The following LINGO2 variants were observed in gnomAD, a reference collection of about 807,000 sequenced individuals.
LINGO2 encodes the protein leucine rich repeat and Ig domain containing 2.
LINGO2 carries 14 observed loss-of-function variants against 30.6 expected under a neutral mutation model. The observed-to-expected ratio is 0.46, with a 90% CI of 0.30 to 0.72. The LOEUF (loss-of-function observed/expected upper bound fraction) is 0.72. Ranked by LOEUF, LINGO2 falls within the 30% of genes least tolerant of loss-of-function variation. The probability of loss-of-function intolerance (pLI) is 0.07; values close to 1 mark genes in which losing one functional copy is unlikely to be tolerated. For missense variants in LINGO2, 729 were observed against 751.7 expected, an observed-to-expected ratio of 0.97 and a Z score of 0.35; for synonymous variants, 317 against 288.5, an observed-to-expected ratio of 1.10 and a Z score of -1.00.
chr9:28,116,283 G>T (rs374982940), intron 4 of LINGO2, among the ~76,000 whole-genome samples: 1 of 13,836 alleles, frequency 7.2e-5, no homozygotes, highest in East Asian at 1.5e-3. Flanking sequence ...CGAGAGATCC[G>T]CTGTTAGTCT....
chr9:28,197,875 T>A (rs949876363), intron 4 of LINGO2, among the ~76,000 whole-genome samples: 1 of 151,874 alleles, frequency 6.6e-6, no homozygotes, highest in East Asian at 1.9e-4. Flanking sequence ...AAAAAAAGAC[T>A]ATGAATCATC....
intron 3 of LINGO2, among the ~76,000 whole-genome samples, chr9:28,320,761 A>T (rs2134298030): frequency 6.6e-6 from 1 of 152,290 alleles, no homozygotes; most frequent in Non-Finnish European, 1.5e-5. Flanking sequence ...AGGACTCTCA[A>T]TCCAGACTGA....
At chr9:28,027,472 T>C (rs1823438920) in intron 4 of LINGO2, among the ~76,000 whole-genome samples, 1 of 152,180 alleles carries the variant, frequency 6.6e-6, no homozygotes, top group Non-Finnish European at 1.5e-5. Context: ...AAAAAATTAT[T>C]CAGCACCTTT....
chr9:28,346,236 T>A (rs995342484), intron 3 of LINGO2, among the ~76,000 whole-genome samples: 7 of 152,182 alleles, frequency 4.6e-5, no homozygotes, highest in Admixed American at 3.3e-4. Context: ...CACTGTCTGT[T>A]GTTCCTCTCC....
At chr9:28,591,597 T>G (rs1824914175) in intron 1 of LINGO2, among the ~76,000 whole-genome samples, 1 of 151,958 alleles carries the variant, frequency 6.6e-6, no homozygotes, top group African/African-American at 2.4e-5. Flanking sequence ...CAACTCTTCT[T>G]GTGTGGGAGG....
intron 3 of LINGO2, among the ~76,000 whole-genome samples, chr9:28,319,853 T>C (rs545291858): frequency 4.6e-5 from 7 of 152,220 alleles, no homozygotes; most frequent in Admixed American, 2.0e-4. Flanking sequence ...TAAATTTTTA[T>C]ATGTAAATTA....
chr9:28,732,877 GC>G, the LINGO2 span, among the ~76,000 whole-genome samples: 8 of 151,982 alleles, frequency 5.3e-5, no homozygotes, highest in African/African-American at 1.5e-4. Context: ...AGAAATCCTG[GC>G]CGGATGCAAG....
chr9:28,363,976 CAAA>C lies in LINGO2; in HGVS notation c.-246+8857_-246+8859del, dbSNP rs144751973. 2.8e-3 allele frequency among the ~76,000 whole-genome samples: 338 copies of C among 118,624 alleles called. 2 individuals carry two copies. Among genetic ancestry groups the C allele is most frequent in the South Asian group, 9.0e-3 (32 of 3,552 alleles). The allele number at this position is 118,624 out of a possible 152,430, so 77.8% of individuals were successfully genotyped here. ...TGTTGTAATTGCATTAATTAGGTTA[CAAA>C]AAAAAAAAAAAAGATGATGTATTTT... is the stretch of plus-strand genomic sequence containing the variant. On this transcript the variant is annotated intron_variant, in intron 3 of 5. Transcript: ENST00000379992.
chr9:28,421,206 C>G (rs1823180832), intron 2 of LINGO2, among the ~76,000 whole-genome samples: 1 of 151,386 alleles, frequency 6.6e-6, no homozygotes. Context: ...ATAATAGCAT[C>G]AAGAACAAGA....
At chr9:28,539,774 C>T (rs1188255947) in intron 1 of LINGO2, among the ~76,000 whole-genome samples, 2 of 152,160 alleles carry the variant, frequency 1.3e-5, no homozygotes, top group South Asian at 2.1e-4. Context: ...TCTTCAAATT[C>T]TGTTTTCAGT....
chr9:29,011,732 G>A, the LINGO2 span, among the ~76,000 whole-genome samples: 1 of 152,080 alleles, frequency 6.6e-6, no homozygotes, highest in South Asian at 2.1e-4. Flanking sequence ...TGGCTTTGTA[G>A]GCAAAGTAGC....
the LINGO2 span, among the ~76,000 whole-genome samples, chr9:29,063,752 T>C: frequency 6.6e-6 from 1 of 152,140 alleles, no homozygotes; most frequent in South Asian, 2.1e-4. Flanking sequence ...CTTTCTCCGT[T>C]ACAAGGTAAG....
At chr9:28,486,441 GA>G (rs565251230) in intron 1 of LINGO2, among the ~76,000 whole-genome samples, 160 of 151,042 alleles carry the variant, frequency 1.1e-3, no homozygotes, top group Admixed American at 1.8e-3. Context: ...GTTATTTAGA[GA>G]AAAAAAAATG....
chr9:28,742,340 G>T, the LINGO2 span, among the ~76,000 whole-genome samples: 6 of 150,132 alleles, frequency 4.0e-5, no homozygotes, highest in African/African-American at 1.2e-4. Flanking sequence ...AGATATTGCC[G>T]AAGTATTTTT....
chr9:29,166,309 T>C, the LINGO2 span, among the ~76,000 whole-genome samples: 63 of 152,218 alleles, frequency 4.1e-4, no homozygotes, highest in African/African-American at 8.4e-4. Flanking sequence ...TGGATCCCCA[T>C]TGGCTACATT....
chr9:28,919,915 C>T, the LINGO2 span, among the ~76,000 whole-genome samples: 1 of 152,116 alleles, frequency 6.6e-6, no homozygotes, highest in East Asian at 1.9e-4. Context: ...TTGTATTATG[C>T]TTTCCTCATT....
intron 1 of LINGO2, among the ~76,000 whole-genome samples, chr9:28,539,873 T>C (rs1279163878): frequency 1.3e-5 from 2 of 152,130 alleles, no homozygotes; most frequent in East Asian, 1.9e-4. Flanking sequence ...GCTGTAAAAT[T>C]AGTCTATGTT....
the LINGO2 span, among the ~76,000 whole-genome samples, chr9:28,782,398 C>T: frequency 6.6e-6 from 1 of 152,158 alleles, no homozygotes; most frequent in Non-Finnish European, 1.5e-5. Context: ...ATGCACCAGA[C>T]ACTGTGTTAT....
chr9:28,099,527 T>C (rs997391078), intron 4 of LINGO2, among the ~76,000 whole-genome samples: 1 of 152,154 alleles, frequency 6.6e-6, no homozygotes, highest in African/African-American at 2.4e-5. Context: ...TTGGGATAAA[T>C]TGATACTGTC....
Sources: gnomAD v4.1 joint callset for allele counts (sites outside exome capture counted in the v4.1 genomes callset) on GRCh38, gnomAD v4.1.1 for gene constraint, MANE v1.5 for transcripts, NCBI Gene and HGNC (gene_info 2026-07-23, HGNC 2026-07-21) for gene names.